The following WNT6 variants were observed in gnomAD, a reference collection of about 807,000 sequenced individuals.
WNT6 encodes the protein protein Wnt-6.
Under a neutral mutation model 33.1 loss-of-function variants are expected in WNT6, and 27 were observed. The observed-to-expected ratio is 0.82, with a 90% confidence interval of 0.60 to 1.12. The LOEUF (loss-of-function observed/expected upper bound fraction) is 1.12. Ranked by LOEUF, WNT6 falls within the 50% of genes most tolerant of loss-of-function variation. The pLI is 0.00. For missense variants in WNT6, 494 were observed against 535.3 expected (o/e 0.92, Z 0.76); for synonymous variants, 249 against 242.8 (o/e 1.03, Z -0.24).
chr2:218,865,272 C>A (rs1944345143), intron 1 of WNT6, among the ~76,000 whole-genome samples: 1 of 152,184 alleles, frequency 6.6e-6, no homozygotes, highest in Non-Finnish European at 1.5e-5. Context: ...CCGCAGGACG[C>A]CTGTCCTTTG....
chr2:218,873,334 C>T lies in WNT6; in HGVS notation c.637-50C>T. On this transcript the variant is annotated intron_variant, in intron 3 of 3. Coordinates refer to ENST00000233948, the MANE Select transcript of WNT6 (RefSeq NM_006522.4). The surrounding 1 kb of genome is among the most constrained non-coding windows in gnomAD (Gnocchi z 6.1). Reference sequence around the variant, plus strand: ...TTTTCTGTCCATCCGCTGGGCCCTTCCCTGCACCCCCTACCTGTCCACATG... The same window carrying T: ...TTTTCTGTCCATCCGCTGGGCCCTTTCCTGCACCCCCTACCTGTCCACATG... The T allele has an allele frequency of 6.7e-7, 1 of 1,493,482 alleles. No individual in the cohort carries two copies. The highest frequency in any genetic ancestry group is 8.9e-7 in the Non-Finnish European group (1 of 1,118,296). 92.5% of individuals were successfully genotyped at this position (1,493,482 alleles called of 1,614,324 possible). A position where few individuals can be genotyped will look rare whatever the true frequency, so the allele number is the denominator to read the frequency against.
chr2:218,864,291 G>T (rs939947891), intron 1 of WNT6, among the ~76,000 whole-genome samples: 1 of 151,378 alleles, frequency 6.6e-6, no homozygotes, highest in East Asian at 1.9e-4. Context: ...ACAGAGTCTC[G>T]CTCTGTCACC....
At position 218,871,023 on chromosome 2, in the gene WNT6, C is replaced by T; in HGVS notation, c.81-4C>T. On this transcript the variant is annotated splice_region_variant and splice_polypyrimidine_tract_variant and intron_variant, in intron 1 of 3. Coordinates refer to ENST00000233948, the MANE Select transcript of WNT6 (RefSeq NM_006522.4). The surrounding 1 kb of genome is among the most constrained non-coding windows in gnomAD (Gnocchi z 6.4). Reference sequence around the variant, plus strand: ...CCCCTGACCTGCTATTCTCTGCTTTCCAGGGCTGTGGGCAGCCCCTTGGTT... The same window carrying T: ...CCCCTGACCTGCTATTCTCTGCTTTTCAGGGCTGTGGGCAGCCCCTTGGTT... 6.2e-7 allele frequency: 1 copy of T among 1,600,416 alleles called. No individual in the cohort carries two copies. Among genetic ancestry groups the T allele is most frequent in the Non-Finnish European group, 8.5e-7 (1 of 1,170,544 alleles).
chr2:218,868,948 A>C (rs1455418233), intron 1 of WNT6, among the ~76,000 whole-genome samples: 1 of 152,118 alleles, frequency 6.6e-6, no homozygotes, highest in Non-Finnish European at 1.5e-5. Flanking sequence ...CCTTCTTATA[A>C]TGAGGTGGGA....
At position 218,873,408 on chromosome 2, in the gene WNT6, G is replaced by A. The variant is rs1422060201; in HGVS notation, c.661G>A (p.Glu221Lys). 7.2e-6 allele frequency: 11 copies of A among 1,536,898 alleles called. 1 individual carries two copies. The East Asian group carries it at 7.3e-5, about 10-fold the overall frequency. Residue 221 changes from glutamate (E) to lysine (K), a missense_variant, in exon 4 of 4, where the codon GAG becomes AAG. By Grantham distance (56) the Glu-to-Lys change is moderately conservative. Coordinates refer to ENST00000233948, the MANE Select transcript of WNT6 (RefSeq NM_006522.4). The surrounding 1 kb of genome is among the most constrained non-coding windows in gnomAD (Gnocchi z 6.1). ...RLAVRSHTRT[E>K]CKCHGLSGSC... ...GGCCGTGCGGAGCCACACGCGCACC[G>A]AGTGCAAATGCCACGGGCTGTCGGG...
intron 1 of WNT6, among the ~76,000 whole-genome samples, chr2:218,868,032 C>G (rs1341267415): frequency 6.6e-6 from 1 of 152,006 alleles, no homozygotes. Context: ...GTTTCATTTC[C>G]TATGTATTTA....
intron 1 of WNT6, among the ~76,000 whole-genome samples, chr2:218,868,601 G>A (rs547870184): frequency 1.4e-4 from 22 of 152,318 alleles, no homozygotes; most frequent in African/African-American, 5.0e-4. Flanking sequence ...CCCAGTGGGG[G>A]AAAAGAGCAT....
intron 1 of WNT6, among the ~76,000 whole-genome samples, chr2:218,864,813 C>T (rs1011610847): frequency 2.0e-5 from 3 of 152,198 alleles, no homozygotes; most frequent in African/African-American, 4.8e-5. Flanking sequence ...TGGGCCTGAC[C>T]ACCCTTTCCC....
intron 1 of WNT6, among the ~76,000 whole-genome samples, chr2:218,861,003 T>C (rs1235862630): frequency 6.6e-6 from 1 of 152,182 alleles, no homozygotes; most frequent in African/African-American, 2.4e-5. Context: ...TCGCCCGGAA[T>C]AGCTCAGTGT....
At chr2:218,872,852 C>A (rs1559409406) in intron 3 of WNT6, among the ~76,000 whole-genome samples, 1 of 151,952 alleles carries the variant, frequency 6.6e-6, no homozygotes. Context: ...CCTGAGGCAT[C>A]GGGCAGGGGG....
chr2:218,863,311 C>G (rs1288346554), intron 1 of WNT6, among the ~76,000 whole-genome samples: 1 of 152,188 alleles, frequency 6.6e-6, no homozygotes, highest in East Asian at 1.9e-4. Context: ...CAGGTCAGAG[C>G]TCCAGTGCTG....
chr2:218,872,734 G>C (rs1944414139), intron 3 of WNT6, among the ~76,000 whole-genome samples: 1 of 152,122 alleles, frequency 6.6e-6, no homozygotes, highest in African/African-American at 2.4e-5. Context: ...GGCCGCCTGG[G>C]TTCCACTCTC....
chr2:218,861,005 G>A (rs1007542337), intron 1 of WNT6, among the ~76,000 whole-genome samples: 1 of 152,212 alleles, frequency 6.6e-6, no homozygotes, highest in Admixed American at 6.5e-5. Context: ...GCCCGGAATA[G>A]CTCAGTGTTT....
In WNT6 at chr2:218,874,103, C is replaced by T. The variant is rs1030243658; in HGVS notation, c.*258C>T. 1 of 450,126 alleles carries T rather than the reference C, an allele frequency of 2.2e-6. No homozygotes were observed. The highest frequency in any genetic ancestry group is 3.8e-6 in the Non-Finnish European group (1 of 260,700). The allele number at this position is 450,126 out of a possible 1,614,324, so 27.9% of individuals were successfully genotyped here. On this transcript the variant is annotated 3_prime_UTR_variant, in exon 4 of 4. Coordinates refer to ENST00000233948, the MANE Select transcript of WNT6 (RefSeq NM_006522.4). ...CTGTACAGGCCCTCCCTCCCCTTGG[C>T]CTCTAGGAGGAAACAGTTTTTTAGA...
In WNT6 at chr2:218,871,970, C is replaced by G; in HGVS notation, c.636+151C>G. 1.2e-6 allele frequency: 1 copy of G among 810,910 alleles called. No individual in the cohort carries two copies. Among genetic ancestry groups the G allele is most frequent in the Non-Finnish European group, 1.8e-6 (1 of 550,954 alleles). 50.2% of individuals were successfully genotyped at this position (810,910 alleles called of 1,614,324 possible). ...TGCGCACGGGCGGAAAGATGGGCTG[C>G]AAGCATGGATGGACATGTGGGAGGA... On this transcript the variant is annotated intron_variant, in intron 3 of 3. Transcript: ENST00000233948. The surrounding 1 kb of genome is among the most constrained non-coding windows in gnomAD (Gnocchi z 6.4).
chr2:218,871,927 C>G lies in WNT6; in HGVS notation c.636+108C>G. 4 of 976,270 alleles carry G rather than the reference C, an allele frequency of 4.1e-6. No homozygotes were observed. Among genetic ancestry groups the G allele is most frequent in the South Asian group, 6.9e-5 (2 of 28,956 alleles). The allele number at this position is 976,270 out of a possible 1,614,324, so 60.5% of individuals were successfully genotyped here. Reference sequence around the variant, plus strand: ...GTGAGGGTGTGTAGGTGGAGGGGGGCGTTAATGTGTGGGGGAGTGCGCACG... The same window carrying G: ...GTGAGGGTGTGTAGGTGGAGGGGGGGGTTAATGTGTGGGGGAGTGCGCACG... On this transcript the variant is annotated intron_variant, in intron 3 of 3. Transcript: ENST00000233948. The surrounding 1 kb of genome is among the most constrained non-coding windows in gnomAD (Gnocchi z 6.4).
intron 1 of WNT6, among the ~76,000 whole-genome samples, chr2:218,865,327 A>G (rs531280507): frequency 3.9e-5 from 6 of 152,306 alleles, no homozygotes; most frequent in Non-Finnish European, 7.4e-5. Context: ...CTTCCTGCCT[A>G]GGCCAGGCAC....
In WNT6 at chr2:218,867,574, C is replaced by A. The variant is rs929853805; in HGVS notation, c.81-3453C>A. On this transcript the variant is annotated intron_variant, in intron 1 of 3. Coordinates refer to ENST00000233948, the MANE Select transcript of WNT6 (RefSeq NM_006522.4). The surrounding 1 kb of genome is among the most constrained non-coding windows in gnomAD (Gnocchi z 4.9). ...TCCCTTCTTGTCCGCATACTGATTT[C>A]TTTTAGGGCTAGCCTCATTTTTTTC... Among the ~76,000 whole-genome samples, 1 of 152,190 alleles carries A rather than the reference C, an allele frequency of 6.6e-6. No individual in the cohort carries two copies. The highest frequency in any genetic ancestry group is 2.4e-5 in the African/African-American group (1 of 41,444).
chr2:218,864,403 G>A (rs181007763), intron 1 of WNT6, among the ~76,000 whole-genome samples: 81 of 152,186 alleles, frequency 5.3e-4, no homozygotes, highest in African/African-American at 1.9e-3. Context: ...GGGATTACAG[G>A]TGCCTGGCAC....
Sources: gnomAD v4.1 joint callset for allele counts (sites outside exome capture counted in the v4.1 genomes callset) on GRCh38, gnomAD v4.1.1 for gene constraint, Gnocchi (gnomAD v3.1) non-coding constraint, MANE v1.5 for transcripts, NCBI Gene and HGNC (gene_info 2026-07-23, HGNC 2026-07-21) for gene names.